DPH6: variants seen among roughly 807,000 people sequenced by gnomAD.
The protein encoded by DPH6 is diphthamine biosynthesis 6, also known as diphthine--ammonia ligase.
DPH6 carries 33 observed loss-of-function variants against 38.2 expected under a neutral mutation model. The observed-to-expected ratio is 0.86, with a 90% CI of 0.65 to 1.15. The LOEUF is 1.15. DPH6 is among the 50% of genes most tolerant of loss of function. The probability of loss-of-function intolerance (pLI) is 0.00; values close to 1 mark genes in which losing one functional copy is unlikely to be tolerated. For missense variants in DPH6, 325 were observed against 320.0 expected (o/e 1.02, Z -0.12); for synonymous variants, 108 against 103.0 (o/e 1.05, Z -0.30).
At chr15:35,357,009 C>A (rs1195998960) in intron 3 of DPH6, among the ~76,000 whole-genome samples, 1 of 152,188 alleles carries the variant, frequency 6.6e-6, no homozygotes, top group Non-Finnish European at 1.5e-5. Context: ...AGCCTCTCTG[C>A]CGCCTTGCAG....
chr15:35,291,859 T>C (rs1008266487), intron 3 of DPH6, among the ~76,000 whole-genome samples: 1 of 152,158 alleles, frequency 6.6e-6, no homozygotes, highest in Non-Finnish European at 1.5e-5. Context: ...TTATTTTTCT[T>C]CTTTTCTGAG....
intron 3 of DPH6, among the ~76,000 whole-genome samples, chr15:35,466,111 G>A (rs1416475529): frequency 6.6e-6 from 1 of 152,148 alleles, no homozygotes; most frequent in African/African-American, 2.4e-5. Context: ...TGTGGTGGTA[G>A]GACTGCCTGA....
At position 35,543,259 on chromosome 15, in the gene DPH6, A is replaced by ATATATATAT. The variant is rs1491418079; in HGVS notation, c.24-753_24-752insATATATATA. Among the ~76,000 whole-genome samples, 266 of 114,104 alleles carry ATATATATAT rather than the reference A, an allele frequency of 2.3e-3. 11 individuals are homozygous for ATATATATAT. The highest frequency in any genetic ancestry group is 4.6e-3 in the Middle Eastern group (1 of 218). 74.9% of individuals were successfully genotyped at this position (114,104 alleles called of 152,430 possible). A position where few individuals can be genotyped will look rare whatever the true frequency, so the allele number is the denominator to read the frequency against. ...ATACATATAGTACACACATACACAT[A>ATATATATAT]ATATATATATATATATATATATATA... On this transcript the variant is annotated intron_variant, in intron 1 of 8. Coordinates refer to ENST00000256538, the MANE Select transcript of DPH6 (RefSeq NM_080650.4).
intron 5 of DPH6, among the ~76,000 whole-genome samples, chr15:35,445,512 G>A (rs1595568356): frequency 1.3e-5 from 2 of 151,334 alleles, no homozygotes; most frequent in East Asian, 1.9e-4. Context: ...TATATTTGGA[G>A]AGATGTGTGA....
At chr15:35,419,319 A>G (rs939563451) in intron 5 of DPH6, among the ~76,000 whole-genome samples, 11 of 152,132 alleles carry the variant, frequency 7.2e-5, no homozygotes, top group Admixed American at 1.3e-4. Context: ...TAAAAAAATG[A>G]GCTTACATAT....
At chr15:35,341,497 G>C (rs555402660) in intron 3 of DPH6, among the ~76,000 whole-genome samples, 1 of 152,252 alleles carries the variant, frequency 6.6e-6, no homozygotes, top group South Asian at 2.1e-4. Flanking sequence ...TCTCATCTTT[G>C]TGGGCTTATT....
intron 3 of DPH6, among the ~76,000 whole-genome samples, chr15:35,331,534 T>C (rs2052327098): frequency 6.6e-6 from 1 of 152,234 alleles, no homozygotes; most frequent in Non-Finnish European, 1.5e-5. Context: ...GAAGATTTAA[T>C]TTTAAATTCC....
intron 3 of DPH6, among the ~76,000 whole-genome samples, chr15:35,533,976 A>T (rs142579580): frequency 6.6e-6 from 1 of 152,156 alleles, no homozygotes; most frequent in African/African-American, 2.4e-5. Context: ...ATTCACAGTC[A>T]GCTTTCCTCT....
At chr15:35,174,744 T>C in the DPH6 span, among the ~76,000 whole-genome samples, 1 of 152,200 alleles carries the variant, frequency 6.6e-6, no homozygotes, top group South Asian at 2.1e-4. Context: ...CACAGTAATA[T>C]TCTGGTATTC....
At chr15:35,527,133 A>G (rs2055015467) in intron 3 of DPH6, among the ~76,000 whole-genome samples, 2 of 152,104 alleles carry the variant, frequency 1.3e-5, no homozygotes, top group African/African-American at 2.4e-5. Context: ...ACTCATCTCA[A>G]TGCCCACTTG....
intron 5 of DPH6, among the ~76,000 whole-genome samples, chr15:35,412,470 T>G (rs1349178912): frequency 6.6e-6 from 1 of 151,720 alleles, no homozygotes; most frequent in Non-Finnish European, 1.5e-5. Flanking sequence ...CCAACTGTGG[T>G]GTTCCTTGGT....
intron 3 of DPH6, among the ~76,000 whole-genome samples, chr15:35,355,785 T>C (rs1369703796): frequency 6.6e-6 from 1 of 152,022 alleles, no homozygotes; most frequent in Non-Finnish European, 1.5e-5. Context: ...TCTCAAGGAG[T>C]GTCTTTGTGG....
At chr15:35,419,971 A>G (rs908981735) in intron 5 of DPH6, among the ~76,000 whole-genome samples, 17 of 152,198 alleles carry the variant, frequency 1.1e-4, no homozygotes, top group African/African-American at 3.9e-4. Flanking sequence ...TCCTTTCGAC[A>G]GCAACAGAAG....
In DPH6 at chr15:35,240,573, C is replaced by T. The variant is rs1029467359; in HGVS notation, n.201-19991G>A. Among the ~76,000 whole-genome samples, 15 of 143,508 alleles carry T rather than the reference C, an allele frequency of 1.0e-4. 1 individual carries two copies. The highest frequency in any genetic ancestry group is 1.7e-4 in the Non-Finnish European group (11 of 65,508). The allele number at this position is 143,508 out of a possible 152,430, so 94.1% of individuals were successfully genotyped here. On this transcript the variant is annotated intron_variant and non_coding_transcript_variant, in intron 3 of 3. Transcript: ENST00000560386. ...CTTACAGTTTCATTCTGTGACTAGC[C>T]CTCCCCCACCTGCCCAGCAATTTAC...
At chr15:35,535,072 T>C (rs2055148977) in intron 3 of DPH6, among the ~76,000 whole-genome samples, 1 of 152,014 alleles carries the variant, frequency 6.6e-6, no homozygotes, top group South Asian at 2.1e-4. Context: ...AAACCATCAA[T>C]CAGAGAAAGA....
At chr15:35,445,875 C>A (rs1422437988) in intron 5 of DPH6, among the ~76,000 whole-genome samples, 1 of 152,228 alleles carries the variant, frequency 6.6e-6, no homozygotes, top group African/African-American at 2.4e-5. Context: ...TGATGCTAAT[C>A]ATCTCTGCAT....
intron 3 of DPH6, among the ~76,000 whole-genome samples, chr15:35,530,741 A>C (rs1449278214): frequency 6.6e-6 from 1 of 152,196 alleles, no homozygotes; most frequent in African/African-American, 2.4e-5. Context: ...GTAATTGACA[A>C]ATATGGTACA....
intron 3 of DPH6, among the ~76,000 whole-genome samples, chr15:35,228,859 T>A (rs2051499461): frequency 1.3e-5 from 2 of 152,198 alleles, no homozygotes; most frequent in African/African-American, 4.8e-5. Context: ...TTTAGCACTT[T>A]AAATATGTCA....
At chr15:35,257,844 A>T (rs2051718565) in intron 3 of DPH6, among the ~76,000 whole-genome samples, 1 of 151,872 alleles carries the variant, frequency 6.6e-6, no homozygotes, top group South Asian at 2.1e-4. Flanking sequence ...AGTAATTAGC[A>T]GGAAAACTTT....
Sources: gnomAD v4.1 joint callset for allele counts (sites outside exome capture counted in the v4.1 genomes callset) on GRCh38, gnomAD v4.1.1 for gene constraint, MANE v1.5 for transcripts, NCBI Gene and HGNC (gene_info 2026-07-23, HGNC 2026-07-21) for gene names.